The following MBNL2 variants were observed in gnomAD, a reference collection of about 807,000 sequenced individuals.
MBNL2 encodes muscleblind-like protein 2.
Under a neutral mutation model 41.9 loss-of-function variants are expected in MBNL2, and 17 were observed. The observed-to-expected ratio is 0.41, with a 90% CI of 0.28 to 0.61. The LOEUF (loss-of-function observed/expected upper bound fraction) is 0.61. Among genes scored for constraint, MBNL2 ranks in the 20% least tolerant of loss-of-function variants. The probability of loss-of-function intolerance (pLI) is 0.35; values close to 1 mark genes in which losing one functional copy is unlikely to be tolerated. For synonymous variants in MBNL2, 195 were observed against 182.9 expected, an observed-to-expected ratio of 1.07 and a Z score of -0.53; for missense variants, 336 against 505.6, an observed-to-expected ratio of 0.66 and a Z score of 3.22.
intron 1 of MBNL2, among the ~76,000 whole-genome samples, chr13:97,228,825 T>G (rs2042014679): frequency 6.6e-6 from 1 of 152,142 alleles, no homozygotes; most frequent in Non-Finnish European, 1.5e-5. Flanking sequence ...CCACTGTTCC[T>G]GGCCTATTAT....
intron 2 of MBNL2, among the ~76,000 whole-genome samples, chr13:97,296,572 T>G (rs1258103080): frequency 6.6e-6 from 1 of 152,208 alleles, no homozygotes; most frequent in Non-Finnish European, 1.5e-5. Context: ...GTGTAGCTAT[T>G]CATGGCCCTT....
the MBNL2 span, among the ~76,000 whole-genome samples, chr13:97,157,645 G>A: frequency 3.3e-5 from 5 of 150,484 alleles, no homozygotes; most frequent in Non-Finnish European, 7.4e-5. Flanking sequence ...TGCACCTATT[G>A]AGATAATCAT....
the MBNL2 span, among the ~76,000 whole-genome samples, chr13:97,147,773 C>T: frequency 6.6e-6 from 1 of 152,088 alleles, no homozygotes. Flanking sequence ...GGCTTGTTTT[C>T]ATGAGGATAA....
chr13:97,185,162 T>A, the MBNL2 span, among the ~76,000 whole-genome samples: 1 of 152,314 alleles, frequency 6.6e-6, no homozygotes, highest in East Asian at 1.9e-4. Flanking sequence ...AAGAATAAAA[T>A]TTATATCCAT....
At chr13:97,153,713 C>T in the MBNL2 span, among the ~76,000 whole-genome samples, 1 of 152,128 alleles carries the variant, frequency 6.6e-6, no homozygotes, top group Non-Finnish European at 1.5e-5. Flanking sequence ...CTCTGGCAGC[C>T]ACAAACCTTA....
chr13:97,205,089 T>G, the MBNL2 span, among the ~76,000 whole-genome samples: 1 of 151,128 alleles, frequency 6.6e-6, no homozygotes. Context: ...AAGAATCACT[T>G]GAACCCGGGA....
chr13:97,178,270 T>G, the MBNL2 span, among the ~76,000 whole-genome samples: 8 of 152,234 alleles, frequency 5.3e-5, no homozygotes, highest in Admixed American at 2.0e-4. Flanking sequence ...AAAATGGAAC[T>G]GATTTATTTA....
At chr13:97,207,642 G>A in the MBNL2 span, among the ~76,000 whole-genome samples, 38 of 152,276 alleles carry the variant, frequency 2.5e-4, no homozygotes, top group African/African-American at 8.4e-4. Flanking sequence ...ATTTGGGTGG[G>A]AACAGAGCCA....
At chr13:97,227,659 G>T (rs1278771117) in intron 1 of MBNL2, among the ~76,000 whole-genome samples, 1 of 152,148 alleles carries the variant, frequency 6.6e-6, no homozygotes, top group African/African-American at 2.4e-5. Context: ...TGGAGTTATT[G>T]ATTTTTTTCC....
chr13:97,279,719 C>G (rs1174533552), intron 2 of MBNL2, among the ~76,000 whole-genome samples: 2 of 152,120 alleles, frequency 1.3e-5, no homozygotes, highest in Non-Finnish European at 2.9e-5. Context: ...AGTATGGGGA[C>G]AAGTCAATCT....
chr13:97,283,968 T>TAGAGAAAGCCCTTTATCTGGAG (rs1566389970), intron 2 of MBNL2, among the ~76,000 whole-genome samples: 3 of 152,156 alleles, frequency 2.0e-5, no homozygotes, highest in Admixed American at 2.0e-4. Flanking sequence ...ATATGCACCA[T>TAGAGAAAGCCCTTTATCTGGAG]AGAGAAAGCC....
rs553888159 is a variant in MBNL2 at position 97,242,767 on chromosome 13, T to C, written c.-605+20236T>C. Among the ~76,000 whole-genome samples, 291 of 135,850 alleles carry C rather than the reference T, an allele frequency of 2.1e-3. 5 individuals carry two copies. The highest frequency in any genetic ancestry group is 0.018 in the Admixed American group (247 of 14,040). 89.1% of individuals were successfully genotyped at this position (135,850 alleles called of 152,430 possible). ...GGAATAAGCAGGACTTACTTGTTCC[T>C]TTTTTTTTTTTTCCCCCCTCCTGTA... On this transcript the variant is annotated intron_variant, in intron 1 of 8. Transcript: ENST00000679496.
intron 8 of MBNL2, among the ~76,000 whole-genome samples, chr13:97,369,343 T>C (rs1370092368): frequency 6.6e-6 from 1 of 152,198 alleles, no homozygotes; most frequent in Admixed American, 6.5e-5. Context: ...TAGAACTAGA[T>C]GCCCCTGGAG....
chr13:97,354,844 A>C (rs2062844492), intron 5 of MBNL2, among the ~76,000 whole-genome samples: 1 of 152,170 alleles, frequency 6.6e-6, no homozygotes. Flanking sequence ...TAGGACTGCA[A>C]ATGGGAAGGG....
chr13:97,353,903 T>C (rs2062736195), intron 5 of MBNL2, among the ~76,000 whole-genome samples: 1 of 152,174 alleles, frequency 6.6e-6, no homozygotes, highest in Non-Finnish European at 1.5e-5. Context: ...GTCTACCTTC[T>C]TTCCTACTTT....
chr13:97,203,695 C>T, the MBNL2 span, among the ~76,000 whole-genome samples: 2 of 152,302 alleles, frequency 1.3e-5, no homozygotes, highest in East Asian at 3.9e-4. Flanking sequence ...TGTTTTACTA[C>T]TCTACCTAAC....
intron 7 of MBNL2, among the ~76,000 whole-genome samples, chr13:97,360,172 A>G (rs1015676700): frequency 6.6e-6 from 1 of 152,208 alleles, no homozygotes; most frequent in African/African-American, 2.4e-5. Flanking sequence ...GTTTTACGTA[A>G]ACATAAATAT....
intron 2 of MBNL2, among the ~76,000 whole-genome samples, chr13:97,325,410 C>G (rs1594212287): frequency 3.3e-5 from 5 of 152,308 alleles, no homozygotes; most frequent in African/African-American, 1.2e-4. Context: ...GAAATTGGAA[C>G]TGCCCAGCCA....
the MBNL2 span, among the ~76,000 whole-genome samples, chr13:97,184,240 A>G: frequency 6.6e-6 from 1 of 152,256 alleles, no homozygotes; most frequent in Non-Finnish European, 1.5e-5. Context: ...TAAAGTGTGC[A>G]TGCAATATAG....
Sources: allele counts gnomAD v4.1 joint callset (sites outside exome capture counted in the v4.1 genomes callset), GRCh38; gene constraint gnomAD v4.1.1; transcripts MANE v1.5; gene names NCBI Gene and HGNC (gene_info 2026-07-23, HGNC 2026-07-21).